Variants in TTC39B observed in about 807,000 individuals in gnomAD.
TTC39B encodes tetratricopeptide repeat domain 39B, also known as tetratricopeptide repeat protein 39B.
TTC39B carries 92 observed loss-of-function variants against 96.6 expected under a neutral mutation model. The observed-to-expected ratio is 0.95, with a 90% CI of 0.80 to 1.13. The LOEUF (loss-of-function observed/expected upper bound fraction) is 1.13, where lower values mean the gene tolerates loss of function less well. Ranked by LOEUF, TTC39B falls within the 50% of genes most tolerant of loss-of-function variation. The probability of loss-of-function intolerance (pLI) is 0.00; values close to 1 mark genes in which losing one functional copy is unlikely to be tolerated. For missense variants in TTC39B, 955 were observed against 809.3 expected (o/e 1.18, Z -2.18); for synonymous variants, 367 against 299.4 (o/e 1.23, Z -2.33).
At chr9:15,200,760 G>C (rs1819488918) in intron 7 of TTC39B, among the ~76,000 whole-genome samples, 1 of 152,320 alleles carries the variant, frequency 6.6e-6, no homozygotes, top group East Asian at 1.9e-4. Context: ...CAGCACTTTG[G>C]GAGGCCGAGG....
chr9:15,179,355 T>C (rs1475971636), intron 17 of TTC39B, among the ~76,000 whole-genome samples: 2 of 152,146 alleles, frequency 1.3e-5, no homozygotes, highest in African/African-American at 2.4e-5. Flanking sequence ...TCAGAAATCA[T>C]CATTAACACA....
chr9:15,185,940 T>C (rs772504391), intron 15 of TTC39B, among the ~76,000 whole-genome samples: 2 of 152,034 alleles, frequency 1.3e-5, no homozygotes, highest in Non-Finnish European at 2.9e-5. Context: ...CAAGCACAGG[T>C]TGTTTGGGAA....
At chr9:15,271,928 G>A (rs115095905) in intron 1 of TTC39B, among the ~76,000 whole-genome samples, 2 of 152,112 alleles carry the variant, frequency 1.3e-5, no homozygotes, top group Non-Finnish European at 2.9e-5. Context: ...ACCCGGAGAT[G>A]GCCAACCGCT....
At chr9:15,259,864 T>C (rs1235196067) in intron 2 of TTC39B, among the ~76,000 whole-genome samples, 10 of 152,120 alleles carry the variant, frequency 6.6e-5, no homozygotes, top group Non-Finnish European at 1.5e-4. Context: ...ATATAAAATA[T>C]CTACAAAAAT....
At chr9:15,187,512 T>A (rs942418742) in intron 14 of TTC39B, among the ~76,000 whole-genome samples, 1 of 152,186 alleles carries the variant, frequency 6.6e-6, no homozygotes, top group Non-Finnish European at 1.5e-5. Flanking sequence ...CAGGCTGGAG[T>A]GCAGTGGTGT....
exon 20 of TTC39B, chr9:15,165,716 C>A (rs750176137): frequency 6.6e-6 from 1 of 152,120 alleles, no homozygotes; most frequent in Non-Finnish European, 1.5e-5. Context: ...CTTATAAAAC[C>A]ATCAAATCTC....
At chr9:15,225,721 C>T (rs1564365181) in intron 3 of TTC39B, among the ~76,000 whole-genome samples, 196 bp downstream of exon 3, 1 of 152,240 alleles carries the variant, frequency 6.6e-6, no homozygotes, top group East Asian at 1.9e-4. Flanking sequence ...AACAGTGCCA[C>T]CTATTCACTG....
At chr9:15,199,954 T>C (rs762021816) in intron 7 of TTC39B, 29 bp from the exon 8 acceptor site, 1 of 1,386,116 alleles carries the variant, frequency 7.2e-7, no homozygotes, top group Non-Finnish European at 1.0e-6. Context: ...AAAAATTAGA[T>C]TATTTAGCAA....
chr9:15,270,843 G>A (rs1418295693), intron 1 of TTC39B, among the ~76,000 whole-genome samples: 1 of 152,032 alleles, frequency 6.6e-6, no homozygotes, highest in Non-Finnish European at 1.5e-5. Flanking sequence ...TAAAGCATAT[G>A]TGGTCTATAA....
chr9:15,177,375 T>C (rs1817998059), intron 18 of TTC39B, among the ~76,000 whole-genome samples: 2 of 151,960 alleles, frequency 1.3e-5, no homozygotes, highest in South Asian at 4.2e-4. Flanking sequence ...AAGAAATATG[T>C]AAAAAACAAA....
chr9:15,199,911 G>T, exon 8 of TTC39B: 1 of 1,540,302 alleles, frequency 6.5e-7, no homozygotes, highest in South Asian at 1.2e-5. Context: ...TGATGAAGTT[G>T]ATCATATTTT....
chr9:15,294,218 A>T (rs992659782), intron 1 of TTC39B, among the ~76,000 whole-genome samples: 33 of 152,312 alleles, frequency 2.2e-4, no homozygotes, highest in African/African-American at 7.5e-4. Context: ...CAGCTGGAAA[A>T]AAAAAAAGCA....
At chr9:15,290,235 T>C (rs759876224) in intron 1 of TTC39B, among the ~76,000 whole-genome samples, 21 of 152,178 alleles carry the variant, frequency 1.4e-4, no homozygotes, top group Non-Finnish European at 2.5e-4. Context: ...GTAAATTTAC[T>C]AAAAATCCAC....
At chr9:15,264,460 C>T (rs1436958303) in intron 2 of TTC39B, among the ~76,000 whole-genome samples, 1 of 151,988 alleles carries the variant, frequency 6.6e-6, no homozygotes, top group African/African-American at 2.4e-5. Flanking sequence ...TTGAGATCAG[C>T]CTGGCCAACA....
intron 16 of TTC39B, among the ~76,000 whole-genome samples, chr9:15,183,683 A>T (rs950129776): frequency 6.6e-6 from 1 of 152,216 alleles, no homozygotes; most frequent in Admixed American, 6.5e-5. Context: ...AGACAGAAAA[A>T]CCTTCCCAGT....
At chr9:15,182,395 A>C in exon 17 of TTC39B, 1 of 1,611,348 alleles carries the variant, frequency 6.2e-7, no homozygotes, top group Non-Finnish European at 8.5e-7. Context: ...TTGAAAAACC[A>C]TTCCAGACAT....
chr9:15,261,206 C>G (rs1394534535), intron 2 of TTC39B, among the ~76,000 whole-genome samples: 3 of 152,156 alleles, frequency 2.0e-5, no homozygotes, highest in Non-Finnish European at 4.4e-5. Context: ...CAGCCAGGTA[C>G]AGTAGCTCAT....
intron 1 of TTC39B, among the ~76,000 whole-genome samples, chr9:15,302,770 G>A (rs1824641892): frequency 6.6e-6 from 1 of 151,936 alleles, no homozygotes; most frequent in Non-Finnish European, 1.5e-5. Flanking sequence ...CTTGAACCCG[G>A]GAGGCGGAGG....
intron 7 of TTC39B, among the ~76,000 whole-genome samples, chr9:15,203,541 G>A (rs908818805): frequency 2.6e-5 from 4 of 151,898 alleles, no homozygotes; most frequent in African/African-American, 2.4e-5. Flanking sequence ...GATTACAGGC[G>A]TGAGCCACCC....
Sources: gnomAD v4.1 joint callset for allele counts (sites outside exome capture counted in the v4.1 genomes callset) on GRCh38, gnomAD v4.1.1 for gene constraint, MANE v1.5 for transcripts, NCBI Gene and HGNC (gene_info 2026-07-23, HGNC 2026-07-21) for gene names.